CSMD3: variants seen among roughly 807,000 people sequenced by gnomAD.
The protein encoded by CSMD3 is CUB and sushi domain-containing protein 3.
Under a neutral mutation model 435.2 loss-of-function variants are expected in CSMD3, and 177 were observed. The observed-to-expected ratio is 0.41, with a 90% CI of 0.36 to 0.46. The LOEUF is 0.46. Ranked by LOEUF, CSMD3 falls within the 20% of genes least tolerant of loss-of-function variation. CSMD3 has a pLI of 0.34. For synonymous variants in CSMD3, 1,656 were observed against 1,520.5 expected (o/e 1.09, Z -2.07); for missense variants, 4,265 against 4,504.6 (o/e 0.95, Z 1.52).
intron 10 of CSMD3, among the ~76,000 whole-genome samples, chr8:112,879,508 T>C (rs1813415): frequency 0.75 from 113,917 of 151,988 alleles, 43,500 homozygotes; most frequent in East Asian, 0.93. Context: ...TGATATTTTA[T>C]TGCCTTTGAA....
chr8:113,204,695 T>C (rs1177929074), intron 3 of CSMD3, among the ~76,000 whole-genome samples: 3 of 152,162 alleles, frequency 2.0e-5, no homozygotes, highest in African/African-American at 7.2e-5. Flanking sequence ...AAATATTTCA[T>C]ATGGTATTTT....
chr8:112,786,175 G>A (rs2132268167), intron 13 of CSMD3, among the ~76,000 whole-genome samples: 1 of 152,184 alleles, frequency 6.6e-6, no homozygotes, highest in Middle Eastern at 3.4e-3. Flanking sequence ...ACATACACTG[G>A]GGAAAGGACA....
At chr8:113,213,900 A>C (rs2092869689) in intron 3 of CSMD3, among the ~76,000 whole-genome samples, 1 of 152,068 alleles carries the variant, frequency 6.6e-6, no homozygotes, top group African/African-American at 2.4e-5. Flanking sequence ...TGGATGTCAT[A>C]TATTCTTCTA....
chr8:112,314,432 C>A lies in CSMD3; in HGVS notation c.7546G>T (p.Asp2516Tyr), dbSNP rs2130835699. 6.3e-7 allele frequency: 1 copy of A among 1,596,752 alleles called. No individual in the cohort carries two copies. Among genetic ancestry groups the A allele is most frequent in the Non-Finnish European group, 8.6e-7 (1 of 1,164,484 alleles). ...EKEFDVLQVY[D>Y]GPNIQSPVLI... ...AATAAATATAACCCTTGGTTACCAT[C>A]ATACACCTGAAGAACATCAAATTCC... The change falls in exon 48 of 71, where the codon GAT (aspartate) becomes TAT (tyrosine). Residue 2516 changes from aspartate to tyrosine, a missense_variant. Physicochemically the swap from Asp to Tyr is radical, Grantham distance 160. This residue lies in a region of CSMD3 where 3,255 missense variants were observed against 3,380.2 expected (regional missense o/e 0.96). Transcript: ENST00000297405.
In CSMD3 at chr8:112,408,900, C is replaced by T; in HGVS notation, c.5509+19G>A. On this transcript the variant is annotated intron_variant, in intron 33 of 70. Coordinates refer to ENST00000297405, the MANE Select transcript of CSMD3 (RefSeq NM_198123.2). ...TCTTTAATCAGTAACTGATGCATGGCAGTTCTATTAAAGGATACCTGAATG... is the reference window on the plus strand; with the variant it reads ...TCTTTAATCAGTAACTGATGCATGGTAGTTCTATTAAAGGATACCTGAATG... 2.5e-6 allele frequency: 4 copies of T among 1,613,188 alleles called. No homozygotes were observed. Among genetic ancestry groups the T allele is most frequent in the Non-Finnish European group, 3.4e-6 (4 of 1,179,426 alleles).
At chr8:112,333,975 A>C (rs116509096) in intron 45 of CSMD3, among the ~76,000 whole-genome samples, 1 of 152,294 alleles carries the variant, frequency 6.6e-6, no homozygotes, top group African/African-American at 2.4e-5. Context: ...TCAAAGTAAT[A>C]ATTCTATTGT....
intron 32 of CSMD3, among the ~76,000 whole-genome samples, chr8:112,466,697 A>G (rs1019914576): frequency 2.6e-5 from 4 of 152,142 alleles, no homozygotes; most frequent in African/African-American, 9.7e-5. Context: ...TCAGATTACC[A>G]TTTACAGGTT....
In CSMD3 at chr8:112,740,338, T is replaced by C. The variant is rs1358168943; in HGVS notation, c.1973-50288A>G. The stretch of plus-strand genomic sequence containing the variant: ...CTAAAAATAATAAAAAATAATTTCT[T>C]ATTCATAATATAAAGCTTTGATCTT... On this transcript the variant is annotated intron_variant, in intron 13 of 70. Transcript: ENST00000297405. Among the ~76,000 whole-genome samples the C allele has an allele frequency of 2.0e-5, 3 of 150,936 alleles. No individual in the cohort carries two copies. In the East Asian group the frequency reaches 5.9e-4, roughly 30 times the overall value.
rs1050639045 is a variant in CSMD3, at chr8:112,921,556, C to A, written c.1633+71G>T. On this transcript the variant is annotated intron_variant, in intron 10 of 70. Coordinates refer to ENST00000297405, the MANE Select transcript of CSMD3 (RefSeq NM_198123.2). ...ATATTACAATTCAAAGACTTAATTG[C>A]AACTTAATTACAATGAAATAAAGGT... 7.3e-6 allele frequency: 9 copies of A among 1,231,482 alleles called. No individual in the cohort carries two copies. In the African/African-American group the frequency reaches 8.9e-5, roughly 12 times the overall value. The allele number at this position is 1,231,482 out of a possible 1,614,324, so 76.3% of individuals were successfully genotyped here.
intron 30 of CSMD3, among the ~76,000 whole-genome samples, chr8:112,496,580 TA>T (rs894798441): frequency 4.6e-5 from 7 of 151,446 alleles, no homozygotes; most frequent in South Asian, 2.1e-4. Context: ...GACAAATGCA[TA>T]AAAAAAAGTG....
intron 30 of CSMD3, among the ~76,000 whole-genome samples, chr8:112,493,959 C>T (rs1820958914): frequency 6.6e-6 from 1 of 152,138 alleles, no homozygotes; most frequent in East Asian, 1.9e-4. Flanking sequence ...GTGGGTATAT[C>T]TCTGAATATG....
chr8:113,022,350 C>A (rs1010583148), intron 5 of CSMD3, among the ~76,000 whole-genome samples: 19 of 151,696 alleles, frequency 1.3e-4, no homozygotes, highest in Admixed American at 5.2e-4. Context: ...ATAGATTGTA[C>A]ACATTTATTC....
chr8:112,426,806 A>G (rs1258323079), intron 32 of CSMD3, among the ~76,000 whole-genome samples: 4 of 152,196 alleles, frequency 2.6e-5, no homozygotes, highest in Non-Finnish European at 5.9e-5. Flanking sequence ...CCTGGCACTA[A>G]CAACACCTTT....
intron 13 of CSMD3, among the ~76,000 whole-genome samples, chr8:112,709,710 G>A (rs2076571127): frequency 6.6e-6 from 1 of 151,926 alleles, no homozygotes; most frequent in South Asian, 2.1e-4. Flanking sequence ...TGCTGTTTTA[G>A]GCAAAGTAAA....
At chr8:112,468,918 AC>A in intron 32 of CSMD3, among the ~76,000 whole-genome samples, 1 of 152,128 alleles carries the variant, frequency 6.6e-6, no homozygotes, top group East Asian at 1.9e-4. Flanking sequence ...CCAAAATCTG[AC>A]CCCAATACCT....
chr8:113,354,914 C>T (rs573979848), intron 1 of CSMD3, among the ~76,000 whole-genome samples: 5 of 152,116 alleles, frequency 3.3e-5, no homozygotes, highest in Non-Finnish European at 7.4e-5. Flanking sequence ...GCTGGGATTA[C>T]AGGCATGAGC....
At chr8:112,657,098 C>T (rs1296796785) in intron 17 of CSMD3, among the ~76,000 whole-genome samples, 1 of 146,940 alleles carries the variant, frequency 6.8e-6, no homozygotes, top group Non-Finnish European at 1.5e-5. Context: ...AATCTAATTC[C>T]ATCAACCAGG....
intron 3 of CSMD3, among the ~76,000 whole-genome samples, chr8:113,199,541 A>G (rs1207466473): frequency 2.0e-5 from 3 of 151,744 alleles, no homozygotes; most frequent in Non-Finnish European, 4.4e-5. Context: ...TATTTTTTTA[A>G]CTAATACATT....
chr8:113,291,805 A>T (rs763215539), intron 2 of CSMD3, among the ~76,000 whole-genome samples: 9 of 151,932 alleles, frequency 5.9e-5, no homozygotes, highest in Non-Finnish European at 1.0e-4. Flanking sequence ...TGTATTCTAC[A>T]CAAAAAAACT....
Sources: allele counts gnomAD v4.1 joint callset (sites outside exome capture counted in the v4.1 genomes callset), GRCh38; gene constraint gnomAD v4.1.1; regional missense constraint gnomAD v4.1.1; transcripts MANE v1.5; gene names NCBI Gene and HGNC (gene_info 2026-07-23, HGNC 2026-07-21).